Variants in ARID3B observed in about 807,000 individuals in gnomAD.
ARID3B encodes the protein AT-rich interactive domain-containing protein 3B.
A neutral mutation model predicts 51.9 loss-of-function variants in ARID3B; 10 were observed. That is an observed-to-expected ratio of 0.19 (90% confidence interval 0.12 to 0.33). The LOEUF (loss-of-function observed/expected upper bound fraction) is 0.33. Among genes scored for constraint, ARID3B ranks in the 10% least tolerant of loss-of-function variants. The probability of loss-of-function intolerance (pLI) is 1.00; values close to 1 mark genes in which losing one functional copy is unlikely to be tolerated. For missense variants in ARID3B, 483 were observed against 716.3 expected, an observed-to-expected ratio of 0.67 and a Z score of 3.72; for synonymous variants, 205 against 279.5, an observed-to-expected ratio of 0.73 and a Z score of 2.66.
At position 74,572,920 on chromosome 15, in the gene ARID3B, G is replaced by C; in HGVS notation, c.611G>C (p.Arg204Pro). 1 of 1,614,202 alleles carries C rather than the reference G, an allele frequency of 6.2e-7. No individual in the cohort carries two copies. Among genetic ancestry groups the C allele is most frequent in the Non-Finnish European group, 8.5e-7 (1 of 1,180,042 alleles). Residue 204 changes from arginine to proline, a missense_variant, in exon 3 of 9, where the codon CGA becomes CCA. Coordinates refer to ENST00000346246, the MANE Select transcript of ARID3B (RefSeq NM_006465.4). ...GGAGGCCGGGGAAGAGAGATCTCTC[G>C]AGATTTTGCCAAGGTCTGTAATACT... ...ADGGRGREISRDFAKLYELDG... is the reference protein window; with the variant it reads ...ADGGRGREISPDFAKLYELDG...
At chr15:74,565,367 A>T (rs1243774248) in intron 2 of ARID3B, among the ~76,000 whole-genome samples, 1 of 152,102 alleles carries the variant, frequency 6.6e-6, no homozygotes, top group African/African-American at 2.4e-5. Context: ...TCTTCAGAGA[A>T]CTCTCAAGAA....
rs143752961 is a variant in ARID3B at position 74,593,095 on chromosome 15, G to A, written c.1421-43G>A. The A allele has an allele frequency of 3.8e-6, 6 of 1,584,882 alleles. No individual in the cohort carries two copies. The East Asian group carries it at 1.1e-4, about 30-fold the overall frequency. On this transcript the variant is annotated intron_variant, in intron 7 of 8. Coordinates refer to ENST00000346246, the MANE Select transcript of ARID3B (RefSeq NM_006465.4). ...CATCAGAGAGGACAACAGGAGTGCT[G>A]TGGAAGGCTTGACCAGGCCCACTGT...
intron 2 of ARID3B, among the ~76,000 whole-genome samples, chr15:74,556,618 A>G (rs1417837985): frequency 6.6e-6 from 1 of 152,088 alleles, no homozygotes; most frequent in Non-Finnish European, 1.5e-5. Context: ...TTTAGTTCTA[A>G]TTTGTTTTAA....
intron 4 of ARID3B, among the ~76,000 whole-genome samples, chr15:74,582,471 A>T (rs957345709): frequency 6.6e-6 from 1 of 152,194 alleles, no homozygotes; most frequent in Non-Finnish European, 1.5e-5. Context: ...CCCAGCCACC[A>T]TAATCTTATT....
intron 2 of ARID3B, among the ~76,000 whole-genome samples, chr15:74,549,560 G>A (rs2061628746): frequency 6.7e-6 from 1 of 148,628 alleles, no homozygotes; most frequent in African/African-American, 2.5e-5. Context: ...AGAGTGAGAT[G>A]GTGTAAAAAA....
intron 2 of ARID3B, among the ~76,000 whole-genome samples, chr15:74,559,166 C>A (rs2028166): frequency 6.6e-6 from 1 of 152,132 alleles, no homozygotes; most frequent in Non-Finnish European, 1.5e-5. Context: ...GTTCAGCACT[C>A]GGCTCTTAAG....
At chr15:74,554,231 T>G (rs2061648404) in intron 2 of ARID3B, among the ~76,000 whole-genome samples, 1 of 151,864 alleles carries the variant, frequency 6.6e-6, no homozygotes, top group Non-Finnish European at 1.5e-5. Context: ...CTGGTCTCGA[T>G]CTCCTGACCT....
intron 4 of ARID3B, chr15:74,573,806 A>T (rs139726369): frequency 2.6e-5 from 4 of 151,382 alleles, no homozygotes; most frequent in Admixed American, 2.6e-4. Context: ...CCATGGTGTG[A>T]TCTCAGCTCA....
intron 2 of ARID3B, among the ~76,000 whole-genome samples, chr15:74,566,354 C>G (rs1175753292): frequency 1.3e-5 from 2 of 152,070 alleles, no homozygotes; most frequent in Non-Finnish European, 2.9e-5. Flanking sequence ...AATCCCATCA[C>G]TTGGGGAGGC....
intron 2 of ARID3B, among the ~76,000 whole-genome samples, chr15:74,568,278 G>T (rs2061706769): frequency 6.6e-6 from 1 of 152,184 alleles, no homozygotes. Context: ...GGCATTTCAG[G>T]CATCTCTGGA....
Position 74,597,614 on chromosome 15 carries a change from G to A in ARID3B, c.*1840G>A, listed in dbSNP as rs1162369718. On this transcript the variant is annotated 3_prime_UTR_variant, in exon 9 of 9. Transcript: ENST00000346246. Reference sequence around the variant, plus strand: ...AGGGCATCTGGGACGTGGTGCCAGTGAGGAGCCCAGTTGGCTGGCACTGGG... The same window carrying A: ...AGGGCATCTGGGACGTGGTGCCAGTAAGGAGCCCAGTTGGCTGGCACTGGG... 3.7e-6 allele frequency: 2 copies of A among 534,430 alleles called. No homozygotes were observed. Among genetic ancestry groups the A allele is most frequent in the Admixed American group, 4.5e-5 (2 of 44,692 alleles). 33.1% of individuals were successfully genotyped at this position (534,430 alleles called of 1,614,324 possible).
At chr15:74,555,288 T>C (rs1038518046) in intron 2 of ARID3B, among the ~76,000 whole-genome samples, 13 of 152,256 alleles carry the variant, frequency 8.5e-5, no homozygotes, top group African/African-American at 3.1e-4. Context: ...GCTGTGGCAA[T>C]TTCATAGAAT....
At chr15:74,590,032 G>C (rs1021885782) in intron 5 of ARID3B, 29 bp downstream of exon 5, 1 of 1,566,554 alleles carries the variant, frequency 6.4e-7, no homozygotes, top group Non-Finnish European at 8.7e-7. Flanking sequence ...GGAGAAGGAA[G>C]CTGAGGCTGG....
At chr15:74,565,507 G>A (rs2061694479) in intron 2 of ARID3B, among the ~76,000 whole-genome samples, 1 of 152,204 alleles carries the variant, frequency 6.6e-6, no homozygotes, top group Non-Finnish European at 1.5e-5. Flanking sequence ...CCCAAGGAAG[G>A]GTTAACCCTT....
At chr15:74,546,167 C>A (rs1193900831) in intron 2 of ARID3B, among the ~76,000 whole-genome samples, 2 of 152,222 alleles carry the variant, frequency 1.3e-5, no homozygotes, top group South Asian at 2.1e-4. Context: ...CCAACTTCCA[C>A]GACAGCAGCA....
At chr15:74,594,341 G>A (rs1053879807) in intron 8 of ARID3B, among the ~76,000 whole-genome samples, 7 of 152,184 alleles carry the variant, frequency 4.6e-5, no homozygotes, top group Admixed American at 2.0e-4. Flanking sequence ...CCAGCTACTC[G>A]GGAGGCTGAG....
At chr15:74,593,952 A>G (rs1223502142) in intron 8 of ARID3B, among the ~76,000 whole-genome samples, 1 of 150,772 alleles carries the variant, frequency 6.6e-6, no homozygotes, top group Non-Finnish European at 1.5e-5. Flanking sequence ...TGAGGCCAGG[A>G]GGATCACTTG....
chr15:74,595,484 C>A, intron 8 of ARID3B, 127 bp from the exon 9 acceptor site: 2 of 1,044,950 alleles, frequency 1.9e-6, no homozygotes, highest in Non-Finnish European at 2.7e-6. Context: ...TCTCCCATCA[C>A]CCCCTAGCAC....
intron 2 of ARID3B, among the ~76,000 whole-genome samples, chr15:74,550,841 A>G (rs557460180): frequency 6.6e-6 from 1 of 152,272 alleles, no homozygotes; most frequent in South Asian, 2.1e-4. Flanking sequence ...CTCTCCCGCT[A>G]TCCTCAGGAA....
Sources: allele counts gnomAD v4.1 joint callset (sites outside exome capture counted in the v4.1 genomes callset), GRCh38; gene constraint gnomAD v4.1.1; transcripts MANE v1.5; gene names NCBI Gene and HGNC (gene_info 2026-07-23, HGNC 2026-07-21).